The following LRRC4C variants were observed in gnomAD, a reference collection of about 807,000 sequenced individuals.
LRRC4C encodes the protein leucine-rich repeat-containing protein 4C.
A neutral mutation model predicts 33.6 loss-of-function variants in LRRC4C; 5 were observed. The ratio of observed to expected loss-of-function variants is 0.15; its 90% CI spans 0.08 to 0.31. The LOEUF (loss-of-function observed/expected upper bound fraction) is 0.31. Ranked by LOEUF, LRRC4C falls within the 10% of genes least tolerant of loss-of-function variation. LRRC4C has a pLI of 1.00. For missense variants in LRRC4C, 560 were observed against 796.7 expected (o/e 0.70, Z 3.58); for synonymous variants, 329 against 302.0 (o/e 1.09, Z -0.93).
At chr11:41,425,380 A>T (rs1306756610) in intron 1 of LRRC4C, among the ~76,000 whole-genome samples, 1 of 152,068 alleles carries the variant, frequency 6.6e-6, no homozygotes, top group Non-Finnish European at 1.5e-5. Context: ...ATTTTCTGGT[A>T]AGGGACTATT....
At chr11:40,130,836 A>C (rs1242397643) in intron 6 of LRRC4C, among the ~76,000 whole-genome samples, 1 of 151,940 alleles carries the variant, frequency 6.6e-6, no homozygotes, top group African/African-American at 2.4e-5. Context: ...CTCTTTGGGG[A>C]CTTGCTCCTT....
chr11:40,788,208 C>T (rs1950490978), intron 2 of LRRC4C, among the ~76,000 whole-genome samples: 1 of 152,156 alleles, frequency 6.6e-6, no homozygotes, highest in African/African-American at 2.4e-5. Context: ...GTGTGCTTCC[C>T]CATGGTCATT....
At chr11:40,181,859 C>T (rs1387167979) in intron 5 of LRRC4C, among the ~76,000 whole-genome samples, 1 of 152,164 alleles carries the variant, frequency 6.6e-6, no homozygotes, top group Non-Finnish European at 1.5e-5. Flanking sequence ...CACAGCTTAC[C>T]CCGGGACTCA....
chr11:41,022,992 C>A (rs1363431522), intron 1 of LRRC4C, among the ~76,000 whole-genome samples: 1 of 151,850 alleles, frequency 6.6e-6, no homozygotes, highest in Non-Finnish European at 1.5e-5. Flanking sequence ...ATGTAAAAAT[C>A]CAGAAGGAGA....
chr11:40,115,453 T>C lies in LRRC4C; in HGVS notation c.840A>G (p.Thr280=), dbSNP rs774319776. The C allele has an allele frequency of 1.2e-6, 2 of 1,614,164 alleles. No homozygotes were observed. Among genetic ancestry groups the C allele is most frequent in the South Asian group, 2.2e-5 (2 of 91,084 alleles). Residue 280 remains threonine, a synonymous_variant, in exon 7 of 7, where the codon ACA becomes ACG. Transcript: ENST00000528697. The surrounding 1 kb of genome is among the most constrained non-coding windows in gnomAD (Gnocchi z 6.7). ...VEINLAHNNL[T]LLPHDLFTPL... is the part of the protein sequence containing the mutation. ...GAGTGAAGAGGTCATGAGGCAGTAA[T>C]GTTAGATTATTGTGTGCCAGGTTGA...
At chr11:40,128,783 T>C (rs556781792) in intron 6 of LRRC4C, among the ~76,000 whole-genome samples, 2 of 152,324 alleles carry the variant, frequency 1.3e-5, no homozygotes, top group African/African-American at 4.8e-5. Flanking sequence ...CTGCAATGTG[T>C]ATCCTTTGAT....
In LRRC4C at chr11:40,115,194, C is replaced by T. The variant is rs772469219; in HGVS notation, c.1099G>A (p.Glu367Lys). The change falls in exon 7 of 7, where the codon GAA (glutamate) becomes AAA (lysine). Residue 367 changes from glutamate to lysine, a missense_variant. Physicochemically the swap from Glu to Lys is moderately conservative, Grantham distance 56. Around this residue, in one of 3 missense-constraint regions of LRRC4C, gnomAD observed 455 missense variants for 643.8 expected, o/e 0.71. Coordinates refer to ENST00000528697, the MANE Select transcript of LRRC4C (RefSeq NM_001258419.2). This position sits in a 1 kb window ranked among gnomAD's most constrained non-coding sequence, Gnocchi z 6.7. Reference sequence around the variant, plus strand: ...CATTTCAGCTCAGCTGCCATGCCTTCAGTGACATTGAGGTCTGCAGGGGGC... The same window carrying T: ...CATTTCAGCTCAGCTGCCATGCCTTTAGTGACATTGAGGTCTGCAGGGGGC... ...VEPPADLNVT[E>K]GMAAELKCRA... 1 of 1,614,214 alleles carries T rather than the reference C, an allele frequency of 6.2e-7. No homozygotes were observed. Among genetic ancestry groups the T allele is most frequent in the Non-Finnish European group, 8.5e-7 (1 of 1,180,042 alleles).
chr11:40,296,057 T>G (rs1944495930), intron 4 of LRRC4C, among the ~76,000 whole-genome samples: 1 of 152,216 alleles, frequency 6.6e-6, no homozygotes, highest in Non-Finnish European at 1.5e-5. Context: ...GCCAATGATT[T>G]GTTTTTTTCA....
At chr11:41,317,857 G>GT (rs1423807344) in intron 1 of LRRC4C, among the ~76,000 whole-genome samples, 2 of 151,980 alleles carry the variant, frequency 1.3e-5, no homozygotes, top group African/African-American at 4.8e-5. Flanking sequence ...TTTTGAAATG[G>GT]TAAGTCAATT....
intron 2 of LRRC4C, among the ~76,000 whole-genome samples, chr11:40,820,496 C>T (rs7933102): frequency 0.98 from 148,374 of 151,916 alleles, 72,545 homozygotes; most frequent in Middle Eastern, 1. Flanking sequence ...AAACACATTA[C>T]ATTCATTATA....
intron 5 of LRRC4C, among the ~76,000 whole-genome samples, chr11:40,207,753 G>A (rs2135789300): frequency 6.6e-6 from 1 of 152,230 alleles, no homozygotes; most frequent in African/African-American, 2.4e-5. Flanking sequence ...CAAGCTCCTG[G>A]TCATCTTAGG....
intron 1 of LRRC4C, among the ~76,000 whole-genome samples, chr11:41,061,492 C>T (rs1385183787): frequency 6.6e-6 from 1 of 152,152 alleles, no homozygotes; most frequent in Non-Finnish European, 1.5e-5. Flanking sequence ...GAATATGTTA[C>T]CGGGCACTGT....
chr11:40,203,031 A>G (rs1012655251), intron 5 of LRRC4C, among the ~76,000 whole-genome samples: 6 of 152,166 alleles, frequency 3.9e-5, no homozygotes, highest in Non-Finnish European at 5.9e-5. Flanking sequence ...ACACTGATTC[A>G]CTGGCTGTGC....
At chr11:40,126,435 G>A (rs1420618831) in intron 6 of LRRC4C, among the ~76,000 whole-genome samples, 1 of 152,104 alleles carries the variant, frequency 6.6e-6, no homozygotes, top group Non-Finnish European at 1.5e-5. Flanking sequence ...CCACCAACAT[G>A]GGGTCATGTG....
At chr11:40,513,869 A>G (rs1955445721) in intron 3 of LRRC4C, among the ~76,000 whole-genome samples, 1 of 152,116 alleles carries the variant, frequency 6.6e-6, no homozygotes, top group Non-Finnish European at 1.5e-5. Flanking sequence ...TGGATTCAAA[A>G]CAACTCACAG....
At chr11:40,855,015 A>C (rs1352703844) in intron 2 of LRRC4C, among the ~76,000 whole-genome samples, 1 of 152,136 alleles carries the variant, frequency 6.6e-6, no homozygotes, top group Non-Finnish European at 1.5e-5. Flanking sequence ...TTGTAATCAC[A>C]ATTTGGGAGT....
At chr11:41,311,169 C>G (rs753695292) in intron 1 of LRRC4C, among the ~76,000 whole-genome samples, 1 of 152,212 alleles carries the variant, frequency 6.6e-6, no homozygotes, top group Non-Finnish European at 1.5e-5. Context: ...GGCAGTGAAG[C>G]TATGCCGTGC....
intron 3 of LRRC4C, among the ~76,000 whole-genome samples, chr11:40,408,674 T>C (rs567333507): frequency 6.6e-6 from 1 of 152,094 alleles, no homozygotes; most frequent in African/African-American, 2.4e-5. Flanking sequence ...TTTAAAGTTG[T>C]TGAAAACACA....
chr11:40,723,906 T>A (rs373469608), intron 2 of LRRC4C, among the ~76,000 whole-genome samples: 1 of 152,064 alleles, frequency 6.6e-6, no homozygotes, highest in African/African-American at 2.4e-5. Flanking sequence ...AGTAAAGAGA[T>A]GGAGAAATAT....
Sources: allele counts gnomAD v4.1 joint callset (sites outside exome capture counted in the v4.1 genomes callset), GRCh38; gene constraint gnomAD v4.1.1; regional missense constraint gnomAD v4.1.1; non-coding constraint Gnocchi (gnomAD v3.1); transcripts MANE v1.5; gene names NCBI Gene and HGNC (gene_info 2026-07-23, HGNC 2026-07-21).